AMBRA1: variants seen among roughly 807,000 people sequenced by gnomAD.
AMBRA1 encodes the protein autophagy and beclin 1 regulator 1.
AMBRA1 carries 47 observed loss-of-function variants against 125.4 expected under a neutral mutation model. The observed-to-expected ratio is 0.37, with a 90% CI of 0.30 to 0.48. AMBRA1 has a LOEUF of 0.48. Ranked by LOEUF, AMBRA1 falls within the 20% of genes least tolerant of loss-of-function variation. The probability of loss-of-function intolerance (pLI) is 0.99; values close to 1 mark genes in which losing one functional copy is unlikely to be tolerated. For missense variants in AMBRA1, 1,331 were observed against 1,693.4 expected, an observed-to-expected ratio of 0.79 and a Z score of 3.76; for synonymous variants, 626 against 655.5, an observed-to-expected ratio of 0.95 and a Z score of 0.69.
At chr11:46,519,429 T>C (rs1951664538) in intron 7 of AMBRA1, among the ~76,000 whole-genome samples, 2 of 152,204 alleles carry the variant, frequency 1.3e-5, no homozygotes, top group Admixed American at 6.5e-5. Context: ...ACTAAAAAAT[T>C]ATAACCTGAA....
At chr11:46,414,722 G>A (rs1348776568) in intron 15 of AMBRA1, among the ~76,000 whole-genome samples, 1 of 152,208 alleles carries the variant, frequency 6.6e-6, no homozygotes, top group African/African-American at 2.4e-5. Context: ...AGCAGAGGAG[G>A]AGGGAGCGCC....
intron 11 of AMBRA1, among the ~76,000 whole-genome samples, chr11:46,458,518 C>T (rs1194186664): frequency 2.0e-5 from 3 of 152,212 alleles, no homozygotes; most frequent in African/African-American, 7.2e-5. Flanking sequence ...TCCATTGGTA[C>T]TGTGTGATTT....
chr11:46,444,778 T>TC (rs1408572578), intron 11 of AMBRA1, among the ~76,000 whole-genome samples: 1 of 152,158 alleles, frequency 6.6e-6, no homozygotes, highest in Non-Finnish European at 1.5e-5. Context: ...TCCCTTTCTT[T>TC]CCCCAAATGA....
chr11:46,510,645 T>C (rs887722927), intron 8 of AMBRA1, among the ~76,000 whole-genome samples: 5 of 152,182 alleles, frequency 3.3e-5, no homozygotes, highest in African/African-American at 9.7e-5. Context: ...TGTAGGGACA[T>C]AGGAATTCCC....
chr11:46,528,913 G>A lies in AMBRA1; in HGVS notation c.2072+13032C>T, dbSNP rs558979760. Among the ~76,000 whole-genome samples, 4 of 152,210 alleles carry A rather than the reference G, an allele frequency of 2.6e-5. No homozygotes were observed. The South Asian group carries it at 8.3e-4, about 32-fold the overall frequency. On this transcript the variant is annotated intron_variant, in intron 7 of 17. Coordinates refer to ENST00000683756, the MANE Select transcript of AMBRA1 (RefSeq NM_001387011.1). The stretch of plus-strand genomic sequence containing the variant: ...TAGAAGCTGGGCTACCTCTGTGTAG[G>A]GGAGGAAAAAAGCAGAAGAGGCAAA...
chr11:46,418,237 A>C (rs1350360967), intron 14 of AMBRA1, among the ~76,000 whole-genome samples, 185 bp from the exon 15 acceptor site: 1 of 143,994 alleles, frequency 6.9e-6, no homozygotes, highest in Admixed American at 7.1e-5. Flanking sequence ...TTATATATAA[A>C]TATATATAAT....
At chr11:46,453,646 A>G (rs892391765) in intron 11 of AMBRA1, among the ~76,000 whole-genome samples, 1 of 152,224 alleles carries the variant, frequency 6.6e-6, no homozygotes, top group African/African-American at 2.4e-5. Context: ...TATAGCTGAA[A>G]TAGAGTCTTC....
At chr11:46,593,091 C>A (rs199750404) in intron 1 of AMBRA1, among the ~76,000 whole-genome samples, 2 of 152,172 alleles carry the variant, frequency 1.3e-5, no homozygotes, top group African/African-American at 4.8e-5. Context: ...CTTTGAAAAG[C>A]AAAACAGCCA....
intron 1 of AMBRA1, among the ~76,000 whole-genome samples, chr11:46,566,596 G>C (rs543040548): frequency 1.3e-5 from 2 of 152,186 alleles, no homozygotes; most frequent in African/African-American, 4.8e-5. Flanking sequence ...CGGGACCCGG[G>C]GGGTGAGGAT....
chr11:46,508,410 A>G, intron 8 of AMBRA1, 40 bp from the exon 9 acceptor site: 1 of 1,590,830 alleles, frequency 6.3e-7, no homozygotes, highest in Non-Finnish European at 8.6e-7. Flanking sequence ...ACTAGCACTA[A>G]TGTGGGGAAT....
intron 11 of AMBRA1, among the ~76,000 whole-genome samples, chr11:46,477,499 G>GAAA (rs982612219): frequency 1.8e-5 from 2 of 112,360 alleles, no homozygotes; most frequent in Non-Finnish European, 1.9e-5. Context: ...CTAATTTCTG[G>GAAA]AAAAAAAAAA....
intron 13 of AMBRA1, among the ~76,000 whole-genome samples, chr11:46,434,224 C>T (rs766764696): frequency 2.0e-5 from 3 of 151,690 alleles, no homozygotes; most frequent in Non-Finnish European, 2.9e-5. Flanking sequence ...TTGAAACCCA[C>T]CTTTTTCATT....
In AMBRA1 at chr11:46,541,898, C is replaced by T. The variant is rs138207091; in HGVS notation, c.2072+47G>A. 4 of 1,589,862 alleles carry T rather than the reference C, an allele frequency of 2.5e-6. 1 individual carries two copies. The highest frequency in any genetic ancestry group is 2.3e-5 in the South Asian group (2 of 86,658). ...ATCTATAGGACTCAAGGAAATGATA[C>T]AAGGAGAAAAGCAAGGGATGCAGAA... On this transcript the variant is annotated intron_variant, in intron 7 of 17. Transcript: ENST00000683756.
chr11:46,477,058 C>T (rs1949843308), intron 11 of AMBRA1, among the ~76,000 whole-genome samples: 1 of 151,168 alleles, frequency 6.6e-6, no homozygotes, highest in Non-Finnish European at 1.5e-5. Flanking sequence ...TTGCAGTGAG[C>T]CGAGATTGCG....
chr11:46,516,562 C>A lies in AMBRA1; in HGVS notation c.2073-3749G>T, dbSNP rs1951498221. Among the ~76,000 whole-genome samples the A allele has an allele frequency of 3.3e-5, 5 of 151,416 alleles. No homozygotes were observed. In the South Asian group the frequency reaches 1.0e-3, roughly 32 times the overall value. On this transcript the variant is annotated intron_variant, in intron 7 of 17. Coordinates refer to ENST00000683756, the MANE Select transcript of AMBRA1 (RefSeq NM_001387011.1). ...TCTCCTGCCTCAGCCTCCCAAGTAG[C>A]TGGGACTACAGGCACCTGCCACCAT...
intron 14 of AMBRA1, among the ~76,000 whole-genome samples, chr11:46,427,041 T>C (rs1297856622): frequency 6.6e-6 from 1 of 152,138 alleles, no homozygotes; most frequent in African/African-American, 2.4e-5. Context: ...GGAAATCAAA[T>C]TTGCAGAATA....
intron 11 of AMBRA1, among the ~76,000 whole-genome samples, chr11:46,463,408 A>C (rs1271480875): frequency 6.6e-6 from 1 of 152,218 alleles, no homozygotes; most frequent in African/African-American, 2.4e-5. Flanking sequence ...CTGCTGTAGA[A>C]GGTATGCAGT....
intron 11 of AMBRA1, among the ~76,000 whole-genome samples, chr11:46,473,603 A>C (rs1005425057): frequency 1.3e-5 from 2 of 152,244 alleles, no homozygotes; most frequent in African/African-American, 4.8e-5. Context: ...GAATAGCAAT[A>C]ATAAGTATTG....
At chr11:46,561,116 C>A (rs1039961374) in intron 1 of AMBRA1, among the ~76,000 whole-genome samples, 1 of 152,140 alleles carries the variant, frequency 6.6e-6, no homozygotes, top group Admixed American at 6.5e-5. Context: ...CGCAGTAGCT[C>A]ACACCTGTAA....
Sources: allele counts gnomAD v4.1 joint callset (sites outside exome capture counted in the v4.1 genomes callset), GRCh38; gene constraint gnomAD v4.1.1; transcripts MANE v1.5; gene names NCBI Gene and HGNC (gene_info 2026-07-23, HGNC 2026-07-21).